Variants in GALNT1 observed in about 807,000 individuals in gnomAD.
GALNT1 encodes GalNAc transferase 1.
GALNT1 carries 17 observed loss-of-function variants against 65.7 expected under a neutral mutation model. The ratio of observed to expected loss-of-function variants is 0.26; its 90% CI spans 0.18 to 0.39. The LOEUF (loss-of-function observed/expected upper bound fraction) is 0.39. Among genes scored for constraint, GALNT1 ranks in the 10% least tolerant of loss-of-function variants. The pLI, the probability that GALNT1 is intolerant of heterozygous loss-of-function variation, is 1.00. For missense variants in GALNT1, 460 were observed against 672.8 expected (o/e 0.68, Z 3.50); for synonymous variants, 210 against 219.7 (o/e 0.96, Z 0.39).
At chr18:35,628,065 G>T (rs2046943781) in intron 1 of GALNT1, among the ~76,000 whole-genome samples, 2 of 152,328 alleles carry the variant, frequency 1.3e-5, no homozygotes, top group African/African-American at 2.4e-5. Context: ...AAACAAAGTG[G>T]CTGGGAAGCT....
At chr18:35,654,915 C>T in intron 2 of GALNT1, 114 bp downstream of exon 2, 1 of 721,170 alleles carries the variant, frequency 1.4e-6, no homozygotes, top group Non-Finnish European at 2.0e-6. Context: ...TCTGTGACTT[C>T]CTGTGGGAGA....
intron 1 of GALNT1, among the ~76,000 whole-genome samples, chr18:35,594,369 G>A (rs1260910184): frequency 1.3e-5 from 2 of 152,158 alleles, no homozygotes; most frequent in African/African-American, 2.4e-5. Flanking sequence ...GGATTTCTCT[G>A]TAGAGAGGCA....
At chr18:35,594,178 TG>T (rs2046477559) in intron 1 of GALNT1, among the ~76,000 whole-genome samples, 1 of 151,830 alleles carries the variant, frequency 6.6e-6, no homozygotes, top group Non-Finnish European at 1.5e-5. Context: ...CTGATGGCAT[TG>T]GTTGGTGAAT....
chr18:35,634,192 G>T (rs943637100), intron 1 of GALNT1, among the ~76,000 whole-genome samples: 14 of 152,250 alleles, frequency 9.2e-5, no homozygotes, highest in African/African-American at 2.9e-4. Context: ...TAGTGCAATG[G>T]GGCTATAAGG....
intron 1 of GALNT1, among the ~76,000 whole-genome samples, chr18:35,609,022 G>A (rs1223547674): frequency 6.6e-6 from 1 of 152,136 alleles, no homozygotes. Context: ...TATGTATAAT[G>A]CTTTATGTTA....
At chr18:35,634,874 C>G (rs564636492) in intron 1 of GALNT1, among the ~76,000 whole-genome samples, 5 of 152,308 alleles carry the variant, frequency 3.3e-5, no homozygotes, top group African/African-American at 1.2e-4. Flanking sequence ...CCAAGTCCTT[C>G]TAAGGATAGC....
In GALNT1 at chr18:35,661,598, CTT is replaced by C. The variant is rs113586669; in HGVS notation, c.140-2028_140-2027del. On this transcript the variant is annotated intron_variant, in intron 2 of 11. Transcript: ENST00000269195. ...GGCTAGTTTTGTGGCATGGATACCTCTTTCTCTTTGTCTCCCTCAGACCTGTT... is the reference window on the plus strand; with the variant it reads ...GGCTAGTTTTGTGGCATGGATACCTCTCTCTTTGTCTCCCTCAGACCTGTT... Among the ~76,000 whole-genome samples the C allele has an allele frequency of 6.4e-3, 969 of 152,064 alleles. 18 individuals are homozygous for C. The highest frequency in any genetic ancestry group is 0.022 in the African/African-American group (920 of 41,492).
chr18:35,696,823 A>G (rs1343282206), intron 9 of GALNT1, among the ~76,000 whole-genome samples: 4 of 152,240 alleles, frequency 2.6e-5, no homozygotes, highest in Non-Finnish European at 1.5e-5. Context: ...TTCTTTCTCA[A>G]ATCTAACCAG....
chr18:35,664,336 T>C (rs1353473531), intron 3 of GALNT1: 1 of 152,236 alleles, frequency 6.6e-6, no homozygotes, highest in African/African-American at 2.4e-5. Flanking sequence ...CTTTTTATGA[T>C]GGATCCACAC....
intron 1 of GALNT1, among the ~76,000 whole-genome samples, chr18:35,621,230 G>A (rs1022237174): frequency 1.3e-5 from 2 of 149,126 alleles, no homozygotes; most frequent in African/African-American, 5.0e-5. Context: ...CCAGGCTGGA[G>A]TGCAGTAGTG....
intron 1 of GALNT1, among the ~76,000 whole-genome samples, chr18:35,633,080 T>C (rs1046078293): frequency 3.9e-5 from 6 of 152,276 alleles, no homozygotes; most frequent in African/African-American, 1.4e-4. Flanking sequence ...ATAGGAACAC[T>C]TTTACACTGC....
chr18:35,631,432 A>G (rs887733690), intron 1 of GALNT1, among the ~76,000 whole-genome samples: 2 of 152,232 alleles, frequency 1.3e-5, no homozygotes, highest in African/African-American at 4.8e-5. Flanking sequence ...AATCCAGCAT[A>G]TAAACAGAAC....
Position 35,617,121 on chromosome 18 carries a change from G to T in GALNT1, c.-104+35259G>T, listed in dbSNP as rs577923525. ...CAGACAGCTCCCCCCTCCATTTCCT[G>T]TCTGTGGCTACTGTTCTCTAGACTC... On this transcript the variant is annotated intron_variant, in intron 1 of 11. Coordinates refer to ENST00000269195, the MANE Select transcript of GALNT1 (RefSeq NM_020474.4). Among the ~76,000 whole-genome samples, 12 of 152,056 alleles carry T rather than the reference G, an allele frequency of 7.9e-5. No homozygotes were observed. In the South Asian group the frequency reaches 2.5e-3, roughly 32 times the overall value.
At chr18:35,663,485 G>A (rs1598799120) in intron 2 of GALNT1, 143 bp from the exon 3 acceptor site, 1 of 778,288 alleles carries the variant, frequency 1.3e-6, no homozygotes, top group East Asian at 2.7e-5. Context: ...CCCCTTGAAA[G>A]GGTTAACAGC....
intron 1 of GALNT1, among the ~76,000 whole-genome samples, chr18:35,630,587 C>G (rs943611432): frequency 3.5e-4 from 53 of 152,182 alleles, no homozygotes; most frequent in African/African-American, 1.3e-3. Flanking sequence ...ACTAAATGCC[C>G]ACAAGAGAAA....
intron 3 of GALNT1, among the ~76,000 whole-genome samples, chr18:35,667,353 AC>A (rs1292335601): frequency 6.6e-6 from 1 of 152,210 alleles, no homozygotes; most frequent in Non-Finnish European, 1.5e-5. Flanking sequence ...CTTTTTGTGA[AC>A]AACCAAAGAA....
rs1055927853 is a variant in GALNT1, at chr18:35,636,269, C to T, written c.-103-18291C>T. Among the ~76,000 whole-genome samples, 6 of 152,210 alleles carry T rather than the reference C, an allele frequency of 3.9e-5. No individual in the cohort carries two copies. In the South Asian group the frequency reaches 8.3e-4, roughly 21 times the overall value. ...ACAAATAGAGTATAGACTGTTTCCT[C>T]GACTTACTTGACTCTGGAATGTCTT... is the stretch of plus-strand genomic sequence containing the variant. On this transcript the variant is annotated intron_variant, in intron 1 of 11. Coordinates refer to ENST00000269195, the MANE Select transcript of GALNT1 (RefSeq NM_020474.4).
At chr18:35,685,235 C>T (rs767495613) in intron 5 of GALNT1, among the ~76,000 whole-genome samples, 7 of 152,078 alleles carry the variant, frequency 4.6e-5, no homozygotes, top group Non-Finnish European at 1.0e-4. Flanking sequence ...CACACGTGCA[C>T]GTATGCGTGT....
intron 3 of GALNT1, 190 bp downstream of exon 3, chr18:35,663,992 T>A (rs1242729137): frequency 3.8e-6 from 2 of 531,702 alleles, no homozygotes; most frequent in African/African-American, 2.0e-5. Context: ...ATTAGCACTA[T>A]GTATTTCAGG....
Sources: allele counts gnomAD v4.1 joint callset (sites outside exome capture counted in the v4.1 genomes callset), GRCh38; gene constraint gnomAD v4.1.1; transcripts MANE v1.5; gene names NCBI Gene and HGNC (gene_info 2026-07-23, HGNC 2026-07-21).